PLA2G4B: variants seen among roughly 807,000 people sequenced by gnomAD.
The protein encoded by PLA2G4B is phospholipase A2 group IVB.
Under a neutral mutation model 95.8 loss-of-function variants are expected in PLA2G4B, and 122 were observed. That is an observed-to-expected ratio of 1.27 (90% confidence interval 1.10 to 1.48). PLA2G4B has a LOEUF of 1.48. PLA2G4B is among the 40% of genes most tolerant of loss of function. The pLI, the probability that PLA2G4B is intolerant of heterozygous loss-of-function variation, is 0.00. For missense variants in PLA2G4B, 1,158 were observed against 996.2 expected, an observed-to-expected ratio of 1.16 and a Z score of -2.19; for synonymous variants, 518 against 421.5, an observed-to-expected ratio of 1.23 and a Z score of -2.80.
chr15:41,843,240 C>G (rs1410049593), intron 10 of PLA2G4B: 1 of 157,344 alleles, frequency 6.4e-6, no homozygotes, highest in African/African-American at 2.4e-5. Flanking sequence ...ACCACCACAC[C>G]CAACTAATTT....
intron 1 of PLA2G4B, chr15:41,839,872 G>A: frequency 5.2e-6 from 2 of 381,958 alleles, no homozygotes; most frequent in East Asian, 9.2e-5. Context: ...TCCTTGTGGA[G>A]TGGGCCATCG....
chr15:41,844,060 C>T (rs2065486834), intron 11 of PLA2G4B, among the ~76,000 whole-genome samples: 1 of 152,186 alleles, frequency 6.6e-6, no homozygotes, highest in Admixed American at 6.5e-5. Flanking sequence ...CTCAGCCTAG[C>T]CTGTCTGAGG....
At chr15:41,840,703 G>A (rs780439263) in intron 3 of PLA2G4B, 43 bp downstream of exon 3, 1 of 1,605,982 alleles carries the variant, frequency 6.2e-7, no homozygotes, top group Non-Finnish European at 8.5e-7. Context: ...ATCCTCGCCA[G>A]CCACTGCCGC....
At chr15:41,845,398 C>G in intron 14 of PLA2G4B, 78 bp downstream of exon 14, 2 of 1,534,938 alleles carry the variant, frequency 1.3e-6, no homozygotes, top group Non-Finnish European at 1.8e-6. Flanking sequence ...GTGCAGATTG[C>G]AGATGTCACA....
Position 41,847,613 on chromosome 15 carries a change from A to G in PLA2G4B, c.2135-36A>G, listed in dbSNP as rs745730419. The G allele has an allele frequency of 4.3e-6, 7 of 1,612,762 alleles. No individual in the cohort carries two copies. In the South Asian group the frequency reaches 5.5e-5, roughly 13 times the overall value. On this transcript the variant is annotated intron_variant, in intron 19 of 19. Coordinates refer to ENST00000458483, the MANE Select transcript of PLA2G4B (RefSeq NM_001114633.2). ...CCTCTCCAAACCTGTCTTCCCCACA[A>G]CGTGTTCCCCATGCCAGGCTGCACT...
intron 6 of PLA2G4B, 110 bp downstream of exon 6, chr15:41,841,383 C>T: frequency 1.9e-6 from 3 of 1,608,506 alleles, no homozygotes; most frequent in Non-Finnish European, 2.5e-6. Context: ...CCTGGGATTT[C>T]AGTTTGTTAA....
At chr15:41,840,310 T>G in intron 2 of PLA2G4B, 80 bp downstream of exon 2, 1 of 1,592,764 alleles carries the variant, frequency 6.3e-7, no homozygotes, top group Non-Finnish European at 8.5e-7. Context: ...GTGGCTGGAT[T>G]TGGTGGAGGC....
chr15:41,847,751 T>A lies in PLA2G4B; in HGVS notation c.2237T>A (p.Val746Glu), dbSNP rs746284542. Reference sequence around the variant, plus strand: ...AAGGTGACCTACAGCCAGGAGGACGTGGACAAGCTGCTGCACCTGACACAT... The same window carrying A: ...AAGGTGACCTACAGCCAGGAGGACGAGGACAAGCTGCTGCACCTGACACAT... The part of the protein sequence containing the change: ...YTKVTYSQED[V>E]DKLLHLTHYN... Residue 746 changes from valine to glutamate, a missense_variant, in exon 20 of 20, where the codon GTG becomes GAG. Transcript: ENST00000458483. 1.9e-6 allele frequency: 3 copies of A among 1,610,088 alleles called. No homozygotes were observed. The highest frequency in any genetic ancestry group is 1.7e-6 in the Non-Finnish European group (2 of 1,180,026).
rs150546402 is a variant in PLA2G4B at position 41,846,730 on chromosome 15, G to A, written c.1842G>A (p.Leu614=). The part of the protein sequence containing the change: ...LTPSEPHLCL[L]DVGYLINTSC... ...CCTCGGAGCCCCACCTGTGCCTGCT[G>A]GATGTTGGCTACCTCATCAATACCA... The change falls in exon 18 of 20, where the codon CTG becomes CTA. Residue 614 remains leucine (L), a synonymous_variant. Coordinates refer to ENST00000458483, the MANE Select transcript of PLA2G4B (RefSeq NM_001114633.2). 1 of 1,613,958 alleles carries A rather than the reference G, an allele frequency of 6.2e-7. No homozygotes were observed. The highest frequency in any genetic ancestry group is 1.1e-5 in the South Asian group (1 of 91,072).
intron 14 of PLA2G4B, 78 bp downstream of exon 14, chr15:41,845,398 C>T (rs1424507048): frequency 3.9e-6 from 6 of 1,534,818 alleles, no homozygotes; most frequent in Middle Eastern, 1.9e-4. Context: ...GTGCAGATTG[C>T]AGATGTCACA....
In PLA2G4B at chr15:41,840,227, C is replaced by T. The variant is rs2065400790; in HGVS notation, c.79C>T (p.Leu27=). The change falls in exon 2 of 20, where the codon CTA becomes TTA. Residue 27 remains leucine, a synonymous_variant. Transcript: ENST00000458483. ...GGCCCATCGCCTACCCTCTAAGGACCTAGGTGAGTGCGCACCGCCCTGGCC... is the reference window on the plus strand; with the variant it reads ...GGCCCATCGCCTACCCTCTAAGGACTTAGGTGAGTGCGCACCGCCCTGGCC... ...LQAHRLPSKD[L]VTPSDCYVTL... The T allele has an allele frequency of 6.2e-7, 1 of 1,613,038 alleles. No homozygotes were observed. The highest frequency in any genetic ancestry group is 8.5e-7 in the Non-Finnish European group (1 of 1,180,010).
chr15:41,842,417 T>G (rs2065449658), intron 9 of PLA2G4B, 137 bp from the exon 10 acceptor site: 7 of 1,547,660 alleles, frequency 4.5e-6, no homozygotes, highest in Non-Finnish European at 6.1e-6. Context: ...GAGTGTCCTC[T>G]GAGCATCCCT....
At chr15:41,839,989 A>C (rs896791857) in intron 1 of PLA2G4B, 169 bp from the exon 2 acceptor site, 10 of 748,526 alleles carry the variant, frequency 1.3e-5, no homozygotes, top group African/African-American at 3.5e-5. Context: ...GGCAGGCGTC[A>C]TGATGGAGAT....
chr15:41,848,005 G>A lies in PLA2G4B; in HGVS notation c.*145G>A, dbSNP rs2065611755. The A allele has an allele frequency of 3.4e-6, 4 of 1,162,182 alleles. No homozygotes were observed. In the East Asian group the frequency reaches 7.7e-5, roughly 22 times the overall value. 72.0% of individuals were successfully genotyped at this position (1,162,182 alleles called of 1,614,324 possible). On this transcript the variant is annotated 3_prime_UTR_variant, in exon 20 of 20. Transcript: ENST00000458483. ...CAGGCTGAGGGCTGGGAGCTCCCTTGCGCCTCAGCAGTTTGCAGTGGGGTA... is the reference window on the plus strand; with the variant it reads ...CAGGCTGAGGGCTGGGAGCTCCCTTACGCCTCAGCAGTTTGCAGTGGGGTA...
rs1169827248 is a variant in PLA2G4B, at chr15:41,842,763, A to T, written c.743+172A>T. The T allele has an allele frequency of 7.7e-6, 8 of 1,035,044 alleles. No individual in the cohort carries two copies. In the South Asian group the frequency reaches 8.3e-5, roughly 11 times the overall value. The allele number at this position is 1,035,044 out of a possible 1,614,324, so 64.1% of individuals were successfully genotyped here. On this transcript the variant is annotated intron_variant, in intron 10 of 19. Transcript: ENST00000458483. ...ACGAAGTACTGGGAGGAGTACTGGG[A>T]GGAGTCTTAGCACCTATGGTCAGAG...
intron 18 of PLA2G4B, 145 bp downstream of exon 18, chr15:41,846,980 C>A: frequency 8.3e-7 from 1 of 1,201,944 alleles, no homozygotes; most frequent in Non-Finnish European, 1.1e-6. Flanking sequence ...ACCAGAGGAG[C>A]TCATTCTTTT....
chr15:41,845,995 C>T lies in PLA2G4B; in HGVS notation c.1548C>T (p.Ala516=). Residue 516 remains alanine, a synonymous_variant, in exon 16 of 20, where the codon GCC becomes GCT. Coordinates refer to ENST00000458483, the MANE Select transcript of PLA2G4B (RefSeq NM_001114633.2). Reference sequence around the variant, plus strand: ...ACCTCCAGGACAGCTTATACTGGGCCTCAGAGCCCAGCCAGTTCTGGGACC... The same window carrying T: ...ACCTCCAGGACAGCTTATACTGGGCTTCAGAGCCCAGCCAGTTCTGGGACC... ...AANLQDSLYW[A]SEPSQFWDRW... 6.6e-7 allele frequency: 1 copy of T among 1,524,278 alleles called. No individual in the cohort carries two copies. Among genetic ancestry groups the T allele is most frequent in the African/African-American group, 1.4e-5 (1 of 71,992 alleles). The allele number at this position is 1,524,278 out of a possible 1,614,324, so 94.4% of individuals were successfully genotyped here.
Position 41,842,277 on chromosome 15 carries a change from G to T in PLA2G4B, c.705+1G>T, listed in dbSNP as rs768020056. Reference sequence around the variant, plus strand: ...GAGGCTTGTCTTCCCCACGTCCCAGGTACTGGCCTCCCAGGGAAGGAAGCA... The same window carrying T: ...GAGGCTTGTCTTCCCCACGTCCCAGTTACTGGCCTCCCAGGGAAGGAAGCA... On this transcript the variant is annotated splice_donor_variant, in intron 9 of 19. Coordinates refer to ENST00000458483, the MANE Select transcript of PLA2G4B (RefSeq NM_001114633.2). LOFTEE classifies it high-confidence loss of function. 2 of 1,613,786 alleles carry T rather than the reference G, an allele frequency of 1.2e-6. No homozygotes were observed. Among genetic ancestry groups the T allele is most frequent in the Admixed American group, 1.7e-5 (1 of 59,992 alleles).
chr15:41,846,126 T>G (rs779330246), intron 16 of PLA2G4B, 77 bp from the exon 17 acceptor site: 1 of 1,583,078 alleles, frequency 6.3e-7, no homozygotes, highest in Non-Finnish European at 8.6e-7. Context: ...GGTTCACACC[T>G]CTTCCCCCTC....
Sources: allele counts gnomAD v4.1 joint callset (sites outside exome capture counted in the v4.1 genomes callset), GRCh38; gene constraint gnomAD v4.1.1; transcripts MANE v1.5; gene names NCBI Gene and HGNC (gene_info 2026-07-23, HGNC 2026-07-21).